The following CELA3B variants were observed in gnomAD, a reference collection of about 807,000 sequenced individuals.
CELA3B encodes the protein chymotrypsin-like elastase family member 3B.
Under a neutral mutation model 37.2 loss-of-function variants are expected in CELA3B, and 34 were observed. The observed-to-expected ratio is 0.91, with a 90% CI of 0.70 to 1.22. The LOEUF (loss-of-function observed/expected upper bound fraction) is 1.22, where lower values mean the gene tolerates loss of function less well. CELA3B is among the 50% of genes most tolerant of loss of function. The probability of loss-of-function intolerance (pLI) is 0.00; values close to 1 mark genes in which losing one functional copy is unlikely to be tolerated. For synonymous variants in CELA3B, 127 were observed against 143.5 expected (o/e 0.89, Z 0.82); for missense variants, 340 against 363.1 (o/e 0.94, Z 0.52).
At chr1:21,978,344 T>C (rs540203472) in intron 1 of CELA3B, 25 bp from the exon 2 acceptor site, 22 of 1,613,750 alleles carry the variant, frequency 1.4e-5, no homozygotes, top group Non-Finnish European at 1.7e-5. Context: ...CTCCCGCTGA[T>C]TGACAGCTCT....
chr1:21,981,607 C>T (rs1644804934), intron 4 of CELA3B, among the ~76,000 whole-genome samples: 1 of 152,008 alleles, frequency 6.6e-6, no homozygotes, highest in South Asian at 2.1e-4. Flanking sequence ...CTGAGCAAGT[C>T]ACTGGCCTTC....
At chr1:21,991,867 C>T (rs1199489093), downstream of CELA3B, among the ~76,000 whole-genome samples, 1 of 150,910 alleles carries the variant, frequency 6.6e-6, no homozygotes, top group Non-Finnish European at 1.5e-5. Flanking sequence ...TGCCTGTCAT[C>T]CCAGCACTTT....
chr1:21,983,976 A>G lies in CELA3B; in HGVS notation c.499+146A>G. The G allele has an allele frequency of 5.6e-6, 8 of 1,427,448 alleles. No individual in the cohort carries two copies. In the South Asian group the frequency reaches 9.5e-5, roughly 17 times the overall value. 88.4% of individuals were successfully genotyped at this position (1,427,448 alleles called of 1,614,324 possible). ...TGCAGCCTTCTCCCACCAACCTCCA[A>G]AACACGAATGTGGTCAATTGCACAT... On this transcript the variant is annotated intron_variant, in intron 5 of 7. Coordinates refer to ENST00000337107, the MANE Select transcript of CELA3B (RefSeq NM_007352.4).
At chr1:21,995,784 A>G (rs1644887951) in intron 4 of CELA3B, among the ~76,000 whole-genome samples, 1 of 145,776 alleles carries the variant, frequency 6.9e-6, no homozygotes, top group Non-Finnish European at 1.5e-5. Context: ...CTGAGGCTGG[A>G]AGAAGGAAAT....
chr1:21,980,757 C>T (rs1247834626), intron 2 of CELA3B, 67 bp from the exon 3 acceptor site: 1 of 1,116,646 alleles, frequency 9.0e-7, no homozygotes, highest in Non-Finnish European at 1.3e-6. Flanking sequence ...ACAACCTATA[C>T]AGCCATTGGT....
chr1:21,995,619 T>C (rs2152818281), intron 4 of CELA3B, among the ~76,000 whole-genome samples: 1 of 151,058 alleles, frequency 6.6e-6, no homozygotes, highest in Non-Finnish European at 1.5e-5. Context: ...TCATCTGGAA[T>C]GTGGTTGACC....
chr1:21,998,492 GGCCACA>G (rs1644900573), exon 5 of CELA3B: 1 of 217,456 alleles, frequency 4.6e-6, no homozygotes, highest in Non-Finnish European at 9.7e-6. Flanking sequence ...CGCTTTTCCA[GGCCACA>G]CAGAGGGGAC....
In CELA3B at chr1:21,982,498, G is replaced by A. The variant is rs193068141; in HGVS notation, c.363-1196G>A. On this transcript the variant is annotated intron_variant, in intron 4 of 7. Coordinates refer to ENST00000337107, the MANE Select transcript of CELA3B (RefSeq NM_007352.4). ...TATAATCCCAGCTACTCTGGAGGCTGAGGCAGGAGAATTGCTTGAACCCAG... is the reference window on the plus strand; with the variant it reads ...TATAATCCCAGCTACTCTGGAGGCTAAGGCAGGAGAATTGCTTGAACCCAG... Among the ~76,000 whole-genome samples the A allele has an allele frequency of 2.6e-5, 4 of 152,098 alleles. No homozygotes were observed. In the East Asian group the frequency reaches 7.8e-4, roughly 30 times the overall value.
At chr1:21,978,842 A>AG (rs1211965801) in intron 2 of CELA3B, among the ~76,000 whole-genome samples, 1 of 151,826 alleles carries the variant, frequency 6.6e-6, no homozygotes, top group Non-Finnish European at 1.5e-5. Context: ...AGGCCAGTGG[A>AG]GGGAAGCTCA....
intron 4 of CELA3B, among the ~76,000 whole-genome samples, chr1:21,981,932 A>G (rs982680184): frequency 2.0e-5 from 3 of 151,980 alleles, no homozygotes; most frequent in African/African-American, 7.2e-5. Context: ...TCACCGTGTT[A>G]GCCAGGATGA....
intron 4 of CELA3B, among the ~76,000 whole-genome samples, chr1:21,997,823 C>T (rs1376770813): frequency 1.4e-4 from 21 of 149,366 alleles, no homozygotes; most frequent in South Asian, 4.2e-4. Flanking sequence ...CTTTTCCATA[C>T]ACTTTGTTTT....
At chr1:21,981,217 T>A in intron 4 of CELA3B, 45 bp downstream of exon 4, 1 of 1,597,540 alleles carries the variant, frequency 6.3e-7, no homozygotes, top group Non-Finnish European at 8.5e-7. Flanking sequence ...CCTCTACTCA[T>A]CCCTCCATGA....
In CELA3B at chr1:21,978,468, C is replaced by T. The variant is rs770486514; in HGVS notation, c.129+14C>T. 5.0e-6 allele frequency: 8 copies of T among 1,613,614 alleles called. No homozygotes were observed. The highest frequency in any genetic ancestry group is 6.8e-6 in the Non-Finnish European group (8 of 1,179,642). On this transcript the variant is annotated intron_variant, in intron 2 of 7. Transcript: ENST00000337107. ...TGGCCCTGGCAGGTAAGAGCAATAGCAGCTGCCCTCATTCCCACCGTGGGC... is the reference window on the plus strand; with the variant it reads ...TGGCCCTGGCAGGTAAGAGCAATAGTAGCTGCCCTCATTCCCACCGTGGGC...
intron 4 of CELA3B, among the ~76,000 whole-genome samples, chr1:21,982,439 TA>T (rs111976816): frequency 0.95 from 143,406 of 151,562 alleles, 68,193 homozygotes; most frequent in Non-Finnish European, 0.99. Context: ...TACTAAAAAT[TA>T]AAAAAAATTA....
At chr1:21,977,946 C>G (rs1281546306) in intron 1 of CELA3B, 2 of 349,984 alleles carry the variant, frequency 5.7e-6, no homozygotes, top group Non-Finnish European at 1.1e-5. Flanking sequence ...CGGGCTCAAG[C>G]GATCCTCCCG....
downstream of CELA3B, among the ~76,000 whole-genome samples, chr1:21,993,006 A>G (rs1181694363): frequency 6.8e-5 from 10 of 147,140 alleles, 1 homozygote; most frequent in African/African-American, 2.5e-4. Flanking sequence ...TGTGGCAGTT[A>G]GAACATAGTT....
chr1:21,992,126 A>T (rs939208972), downstream of CELA3B, among the ~76,000 whole-genome samples: 36 of 150,912 alleles, frequency 2.4e-4, no homozygotes, highest in African/African-American at 8.6e-4. Flanking sequence ...GTTTCAAAAA[A>T]AAAAGAAGGA....
chr1:21,987,931 C>T (rs61631317), intron 7 of CELA3B: 1 of 151,746 alleles, frequency 6.6e-6, no homozygotes, highest in Non-Finnish European at 1.5e-5. Context: ...ACATTTCTGG[C>T]CAAGTACAGT....
chr1:21,989,946 G>A (rs1452635090), downstream of CELA3B, among the ~76,000 whole-genome samples: 1 of 150,782 alleles, frequency 6.6e-6, no homozygotes, highest in African/African-American at 2.5e-5. Context: ...GGAAAGAAGT[G>A]TAATTGACTC....
Sources: gnomAD v4.1 joint callset for allele counts (sites outside exome capture counted in the v4.1 genomes callset) on GRCh38, gnomAD v4.1.1 for gene constraint, MANE v1.5 for transcripts, NCBI Gene and HGNC (gene_info 2026-07-23, HGNC 2026-07-21) for gene names.